The following CDC42BPA variants were observed in gnomAD, a reference collection of about 807,000 sequenced individuals.
CDC42BPA encodes CDC42 binding protein kinase alpha.
CDC42BPA carries 80 observed loss-of-function variants against 223.5 expected under a neutral mutation model. The ratio of observed to expected loss-of-function variants is 0.36; its 90% CI spans 0.30 to 0.43. The LOEUF (loss-of-function observed/expected upper bound fraction) is 0.43. Among genes scored for constraint, CDC42BPA ranks in the 20% least tolerant of loss-of-function variants. The pLI is 1.00. For missense variants in CDC42BPA, 1,743 were observed against 2,099.9 expected (o/e 0.83, Z 3.32); for synonymous variants, 694 against 718.6 (o/e 0.97, Z 0.55).
intron 3 of CDC42BPA, among the ~76,000 whole-genome samples, chr1:227,211,178 A>G (rs1158466606): frequency 6.6e-6 from 1 of 152,194 alleles, no homozygotes; most frequent in African/African-American, 2.4e-5. Flanking sequence ...GGTGTTGAAT[A>G]TAATGGACAC....
chr1:227,120,411 A>G (rs1688467851), intron 11 of CDC42BPA, among the ~76,000 whole-genome samples: 1 of 152,176 alleles, frequency 6.6e-6, no homozygotes, highest in South Asian at 2.1e-4. Flanking sequence ...TCTGATTTCT[A>G]AAGAGCAAAT....
intron 32 of CDC42BPA, 109 bp from the exon 33 acceptor site, chr1:227,017,159 A>T: frequency 1.0e-6 from 1 of 977,550 alleles, no homozygotes; most frequent in East Asian, 2.6e-5. Flanking sequence ...AGTACATGCA[A>T]TTCTGGTTTT....
intron 6 of CDC42BPA, among the ~76,000 whole-genome samples, chr1:227,158,955 G>A (rs1464512900): frequency 6.6e-6 from 1 of 152,056 alleles, no homozygotes; most frequent in Non-Finnish European, 1.5e-5. Context: ...TCAGAGTCAG[G>A]AACTGCCCCA....
intron 5 of CDC42BPA, among the ~76,000 whole-genome samples, chr1:227,192,367 G>A (rs1669867556): frequency 6.6e-6 from 1 of 152,296 alleles, no homozygotes; most frequent in East Asian, 1.9e-4. Flanking sequence ...ACTTGTTAGA[G>A]ATGGCAATTC....
intron 2 of CDC42BPA, among the ~76,000 whole-genome samples, chr1:227,222,047 T>C (rs1365590588): frequency 4.2e-5 from 4 of 95,228 alleles, no homozygotes; most frequent in Admixed American, 1.3e-4. Context: ...AGACCCTATC[T>C]CTACCAAAAA....
intron 17 of CDC42BPA, among the ~76,000 whole-genome samples, chr1:227,075,793 A>G (rs1294834004): frequency 6.6e-6 from 1 of 152,198 alleles, no homozygotes; most frequent in Non-Finnish European, 1.5e-5. Context: ...TTAAGTGCCC[A>G]GGCTAACAGG....
chr1:227,021,286 A>G (rs1384170757), intron 32 of CDC42BPA, among the ~76,000 whole-genome samples: 1 of 152,172 alleles, frequency 6.6e-6, no homozygotes, highest in African/African-American at 2.4e-5. Context: ...TAAACAATGT[A>G]GTATCTGTGG....
chr1:227,098,210 G>T (rs1316877845), intron 15 of CDC42BPA, among the ~76,000 whole-genome samples: 1 of 151,876 alleles, frequency 6.6e-6, no homozygotes, highest in Non-Finnish European at 1.5e-5. Context: ...CCACTCTGCT[G>T]GTTCCTCATC....
At chr1:226,995,248 G>A (rs1314973442) in intron 35 of CDC42BPA, among the ~76,000 whole-genome samples, 1 of 152,206 alleles carries the variant, frequency 6.6e-6, no homozygotes, top group Non-Finnish European at 1.5e-5. Context: ...TGCCCTGCTT[G>A]TTAACAATTC....
At chr1:227,290,701 G>A (rs562732270) in intron 1 of CDC42BPA, among the ~76,000 whole-genome samples, 27 of 152,226 alleles carry the variant, frequency 1.8e-4, no homozygotes, top group African/African-American at 5.8e-4. Flanking sequence ...TCATTTTAAT[G>A]ACTATTTATA....
intron 6 of CDC42BPA, among the ~76,000 whole-genome samples, chr1:227,156,255 C>T (rs893685316): frequency 3.3e-5 from 5 of 151,890 alleles, no homozygotes; most frequent in Non-Finnish European, 7.4e-5. Flanking sequence ...CAAGCTCAAG[C>T]GATCCTCCCA....
intron 16 of CDC42BPA, among the ~76,000 whole-genome samples, chr1:227,088,316 T>C (rs1182987660): frequency 6.6e-6 from 1 of 152,246 alleles, no homozygotes; most frequent in Non-Finnish European, 1.5e-5. Flanking sequence ...TAAGTATTAG[T>C]TCATTTTTCA....
At chr1:227,284,857 G>A (rs1438852277) in intron 1 of CDC42BPA, among the ~76,000 whole-genome samples, 2 of 151,910 alleles carry the variant, frequency 1.3e-5, no homozygotes, top group African/African-American at 4.8e-5. Context: ...AGCTACTCAG[G>A]AGGCTGAGGT....
intron 2 of CDC42BPA, among the ~76,000 whole-genome samples, chr1:227,215,782 T>G (rs543614990): frequency 3.9e-5 from 6 of 152,308 alleles, no homozygotes; most frequent in African/African-American, 1.2e-4. Flanking sequence ...AAAAAAATCT[T>G]TCATCTCTTT....
intron 22 of CDC42BPA, among the ~76,000 whole-genome samples, chr1:227,049,396 A>G (rs941016249): frequency 1.3e-5 from 2 of 152,078 alleles, no homozygotes; most frequent in African/African-American, 4.8e-5. Context: ...ATACACTGAA[A>G]ATAATGAAAC....
At chr1:227,211,041 GATTTCTCAAAAGAAATCCC>G in intron 3 of CDC42BPA, among the ~76,000 whole-genome samples, 1 of 152,160 alleles carries the variant, frequency 6.6e-6, no homozygotes. Context: ...TACAGGTAGG[GATTTCTCAAAAGAAATCCC>G]AAACAAATAT....
chr1:227,314,000 A>AGTAG (rs1693965452), intron 1 of CDC42BPA, among the ~76,000 whole-genome samples: 1 of 151,798 alleles, frequency 6.6e-6, no homozygotes, highest in Admixed American at 6.6e-5. Flanking sequence ...TTTTGTATTA[A>AGTAG]TATTATCTTA....
intron 10 of CDC42BPA, among the ~76,000 whole-genome samples, chr1:227,129,702 C>CATAT (rs1196658904): frequency 7.1e-5 from 5 of 70,918 alleles, no homozygotes; most frequent in Admixed American, 1.5e-4. Flanking sequence ...AAATCCACTG[C>CATAT]ATATATATAT....
At chr1:227,220,433 G>C (rs976796181) in intron 2 of CDC42BPA, among the ~76,000 whole-genome samples, 1 of 149,060 alleles carries the variant, frequency 6.7e-6, no homozygotes, top group African/African-American at 2.5e-5. Context: ...TTTTATTATT[G>C]CTTTTTATTT....
Sources: allele counts gnomAD v4.1 joint callset (sites outside exome capture counted in the v4.1 genomes callset), GRCh38; gene constraint gnomAD v4.1.1; transcripts MANE v1.5; gene names NCBI Gene and HGNC (gene_info 2026-07-23, HGNC 2026-07-21).